Variants in RIMS2 observed in about 807,000 individuals in gnomAD.
RIMS2 encodes the protein regulating synaptic membrane exocytosis 2, also known as regulating synaptic membrane exocytosis protein 2.
In RIMS2, 59 loss-of-function variants were observed where a neutral mutation model predicts 174.4. The observed-to-expected ratio is 0.34, with a 90% CI of 0.27 to 0.42. The LOEUF is 0.42. RIMS2 is among the 10% of genes least tolerant of loss of function. The probability of loss-of-function intolerance (pLI) is 1.00; values close to 1 mark genes in which losing one functional copy is unlikely to be tolerated. For synonymous variants in RIMS2, 606 were observed against 572.5 expected (o/e 1.06, Z -0.84); for missense variants, 1,620 against 1,666.3 (o/e 0.97, Z 0.48).
intron 19 of RIMS2, among the ~76,000 whole-genome samples, chr8:104,163,028 C>T (rs1330151078): frequency 6.6e-6 from 1 of 152,092 alleles, no homozygotes; most frequent in African/African-American, 2.4e-5. Context: ...ATAGAAACAT[C>T]ATAAAATCCT....
chr8:103,739,494 GT>G, intron 2 of RIMS2, among the ~76,000 whole-genome samples: 1 of 152,182 alleles, frequency 6.6e-6, no homozygotes, highest in East Asian at 1.9e-4. Flanking sequence ...AAACCTGCAC[GT>G]TGTGCACATG....
intron 19 of RIMS2, among the ~76,000 whole-genome samples, chr8:104,224,271 T>A (rs928549072): frequency 4.6e-5 from 7 of 152,090 alleles, no homozygotes; most frequent in African/African-American, 1.4e-4. Context: ...GGACAGACAG[T>A]TAGAGGGTTG....
intron 1 of RIMS2, among the ~76,000 whole-genome samples, chr8:103,571,251 A>G (rs2092784283): frequency 6.6e-6 from 1 of 152,208 alleles, no homozygotes; most frequent in African/African-American, 2.4e-5. Flanking sequence ...AAAACATCAT[A>G]CCTATGTTCA....
intron 19 of RIMS2, among the ~76,000 whole-genome samples, chr8:104,154,314 T>C (rs1004145539): frequency 2.0e-5 from 3 of 152,226 alleles, no homozygotes; most frequent in Non-Finnish European, 4.4e-5. Flanking sequence ...CACTGTTAAA[T>C]AGAACTTTTG....
chr8:103,922,750 G>T (rs1338719146), intron 10 of RIMS2: 1 of 284,036 alleles, frequency 3.5e-6, no homozygotes, highest in South Asian at 2.9e-5. Flanking sequence ...TTGGGGGTGG[G>T]TGGGGAGGAA....
chr8:103,799,595 C>T lies in RIMS2; in HGVS notation c.698+33058C>T, dbSNP rs137981444. 2.8e-4 allele frequency among the ~76,000 whole-genome samples: 42 copies of T among 152,220 alleles called. No individual in the cohort carries two copies. In the East Asian group the frequency reaches 7.2e-3, roughly 26 times the overall value. On this transcript the variant is annotated intron_variant, in intron 3 of 23. Coordinates refer to ENST00000504942, the Ensembl canonical transcript of RIMS2. Reference sequence around the variant, plus strand: ...TGTAGTGCTTAAGGATTTGTGATTTCCCATATCATTACTAATATTTGATAT... The same window carrying T: ...TGTAGTGCTTAAGGATTTGTGATTTTCCATATCATTACTAATATTTGATAT...
intron 1 of RIMS2, among the ~76,000 whole-genome samples, chr8:103,590,647 G>T (rs574874593): frequency 1.4e-5 from 2 of 146,350 alleles, no homozygotes; most frequent in Non-Finnish European, 1.5e-5. Context: ...TGAATCTATC[G>T]TATATTTTAT....
chr8:104,108,442 C>T (rs909493018), intron 19 of RIMS2, among the ~76,000 whole-genome samples: 1 of 151,950 alleles, frequency 6.6e-6, no homozygotes, highest in South Asian at 2.1e-4. Context: ...CAGGCATGCA[C>T]CACCACACCT....
exon 18 of RIMS2, chr8:104,013,598 C>G (rs560765680): frequency 6.2e-6 from 10 of 1,613,444 alleles, no homozygotes; most frequent in Non-Finnish European, 8.5e-6. Flanking sequence ...GAAGATCTGC[C>G]CCTCCTTCAC....
At chr8:103,636,086 G>A (rs77192311) in intron 1 of RIMS2, among the ~76,000 whole-genome samples, 1,730 of 152,266 alleles carry the variant, frequency 0.011, 46 homozygotes, top group African/African-American at 0.039. Flanking sequence ...AGGCTGGAAC[G>A]GCTAAGATGC....
chr8:104,137,360 A>T (rs79986677), intron 19 of RIMS2, among the ~76,000 whole-genome samples: 3,015 of 152,274 alleles, frequency 0.02, 138 homozygotes, highest in East Asian at 0.15. Flanking sequence ...TACTTCATTG[A>T]GGTTGCTTCG....
intron 19 of RIMS2, among the ~76,000 whole-genome samples, chr8:104,204,277 C>T (rs1291399201): frequency 1.3e-5 from 2 of 152,072 alleles, no homozygotes; most frequent in African/African-American, 2.4e-5. Flanking sequence ...GTGCATGTTA[C>T]GTGTTAATAA....
At chr8:103,679,722 A>G (rs1027305317) in intron 1 of RIMS2, among the ~76,000 whole-genome samples, 3 of 152,026 alleles carry the variant, frequency 2.0e-5, no homozygotes, top group Non-Finnish European at 4.4e-5. Flanking sequence ...TGAAAAATTT[A>G]GATACAATAA....
chr8:103,584,967 T>C (rs993118679), intron 1 of RIMS2, among the ~76,000 whole-genome samples: 9 of 152,156 alleles, frequency 5.9e-5, no homozygotes, highest in South Asian at 2.1e-4. Flanking sequence ...TAAGATCCAT[T>C]TATCTGTTGC....
intron 15 of RIMS2, among the ~76,000 whole-genome samples, chr8:103,964,815 T>A (rs1466582996): frequency 6.6e-6 from 1 of 152,208 alleles, no homozygotes; most frequent in Non-Finnish European, 1.5e-5. Flanking sequence ...TATTTACATA[T>A]CTGATGCATT....
At chr8:103,559,421 G>A in intron 1 of RIMS2, 1 of 352,428 alleles carries the variant, frequency 2.8e-6, no homozygotes, top group Non-Finnish European at 5.3e-6. Context: ...CCGATGCAGG[G>A]GATTAAAAAG....
rs1022101159 is a variant in RIMS2, at chr8:103,872,607, A to G, written c.699-12691A>G. Among the ~76,000 whole-genome samples the G allele has an allele frequency of 4.6e-5, 7 of 152,344 alleles. No individual in the cohort carries two copies. In the South Asian group the frequency reaches 6.2e-4, roughly 14 times the overall value. On this transcript the variant is annotated intron_variant, in intron 3 of 23. Transcript: ENST00000504942. ...TCTTCCTCTTGCTTAATGCCCTGCT[A>G]CAACAATGTGTGGCTCTCAAACTCA...
chr8:103,611,493 G>T (rs1229190790), intron 1 of RIMS2, among the ~76,000 whole-genome samples: 1 of 151,270 alleles, frequency 6.6e-6, no homozygotes, highest in African/African-American at 2.4e-5. Context: ...GATAGGTCTA[G>T]TGTTGATGCA....
At chr8:103,993,590 T>C (rs372453244) in intron 17 of RIMS2, among the ~76,000 whole-genome samples, 10 of 152,130 alleles carry the variant, frequency 6.6e-5, no homozygotes, top group African/African-American at 1.9e-4. Context: ...ATGAAGTAAA[T>C]GAAAAAAGAA....
Sources: allele counts gnomAD v4.1 joint callset (sites outside exome capture counted in the v4.1 genomes callset), GRCh38; gene constraint gnomAD v4.1.1; transcripts MANE v1.5; gene names NCBI Gene and HGNC (gene_info 2026-07-23, HGNC 2026-07-21).